Variants in CEMIP observed in about 807,000 individuals in gnomAD.
CEMIP encodes cell migration inducing hyaluronidase 1, also known as cell migration-inducing and hyaluronan-binding protein.
CEMIP carries 105 observed loss-of-function variants against 156.9 expected under a neutral mutation model. The ratio of observed to expected loss-of-function variants is 0.67; its 90% CI spans 0.57 to 0.79. The LOEUF (loss-of-function observed/expected upper bound fraction) is 0.79. CEMIP is among the 30% of genes least tolerant of loss of function. The pLI, the probability that CEMIP is intolerant of heterozygous loss-of-function variation, is 0.00. For synonymous variants in CEMIP, 676 were observed against 668.4 expected (o/e 1.01, Z -0.17); for missense variants, 1,457 against 1,769.4 (o/e 0.82, Z 3.17).
intron 1 of CEMIP, among the ~76,000 whole-genome samples, chr15:80,832,407 G>A (rs1897177241): frequency 6.8e-6 from 1 of 147,842 alleles, no homozygotes; most frequent in South Asian, 2.2e-4. Flanking sequence ...CCAATTGGTG[G>A]GACTTGCTTG....
intron 1 of CEMIP, among the ~76,000 whole-genome samples, chr15:80,786,558 G>C (rs1045177350): frequency 1.1e-4 from 5 of 46,544 alleles, no homozygotes; most frequent in East Asian, 2.2e-3. Flanking sequence ...ATGTCTTGCT[G>C]TGTGTGTGTG....
intron 1 of CEMIP, among the ~76,000 whole-genome samples, chr15:80,810,923 T>C (rs188143208): frequency 6.6e-6 from 1 of 152,242 alleles, no homozygotes; most frequent in African/African-American, 2.4e-5. Flanking sequence ...AAATTACCAT[T>C]TCCCCATCCA....
chr15:80,950,782 A>G lies in CEMIP; in HGVS notation c.*1858A>G, dbSNP rs1439681794. 6.6e-6 allele frequency: 1 copy of G among 152,646 alleles called. No homozygotes were observed. The highest frequency in any genetic ancestry group is 1.5e-5 in the Non-Finnish European group (1 of 68,078). 9.5% of individuals were successfully genotyped at this position (152,646 alleles called of 1,614,324 possible). A position where few individuals can be genotyped will look rare whatever the true frequency, so the allele number is the denominator to read the frequency against. ...GAGCTCCTGTAAGAGGGAGAACTCT[A>G]TCTGTGGTTTATAATCTTGCACGAG... On this transcript the variant is annotated 3_prime_UTR_variant, in exon 30 of 30. Coordinates refer to ENST00000394685, the MANE Select transcript of CEMIP (RefSeq NM_001293298.2).
chr15:80,832,230 G>A (rs551859740), intron 1 of CEMIP, among the ~76,000 whole-genome samples: 2 of 151,958 alleles, frequency 1.3e-5, no homozygotes, highest in South Asian at 4.2e-4. Flanking sequence ...TACAGCCATG[G>A]CTAAAAGTAA....
chr15:80,831,594 C>A (rs1465757910), intron 1 of CEMIP, among the ~76,000 whole-genome samples: 1 of 151,946 alleles, frequency 6.6e-6, no homozygotes, highest in Non-Finnish European at 1.5e-5. Flanking sequence ...GAAAGACCAG[C>A]CTCTCTGAAC....
chr15:80,898,467 A>G (rs1352085812), intron 12 of CEMIP, among the ~76,000 whole-genome samples: 2 of 152,330 alleles, frequency 1.3e-5, no homozygotes, highest in Middle Eastern at 3.4e-3. Flanking sequence ...AAAGATGGGA[A>G]AGGAGGAAGG....
chr15:80,892,141 C>T (rs1899050185), intron 10 of CEMIP, among the ~76,000 whole-genome samples: 1 of 152,024 alleles, frequency 6.6e-6, no homozygotes. Flanking sequence ...CTTGTGCCTG[C>T]CCCCAGTGCC....
At chr15:80,813,938 A>C (rs1896728251) in intron 1 of CEMIP, among the ~76,000 whole-genome samples, 1 of 151,724 alleles carries the variant, frequency 6.6e-6, no homozygotes, top group South Asian at 2.1e-4. Context: ...TCATTCACTG[A>C]AGTAGTTCTA....
At chr15:80,863,093 C>T (rs1898028024) in intron 1 of CEMIP, among the ~76,000 whole-genome samples, 1 of 152,176 alleles carries the variant, frequency 6.6e-6, no homozygotes, top group Non-Finnish European at 1.5e-5. Context: ...GTATCAGTAA[C>T]AAGACTTCCC....
chr15:80,839,475 C>T (rs931443527), intron 1 of CEMIP, among the ~76,000 whole-genome samples: 3 of 152,162 alleles, frequency 2.0e-5, no homozygotes, highest in African/African-American at 4.8e-5. Context: ...CCCTGCAAAC[C>T]GGGCCCTGCA....
At chr15:80,864,227 C>T (rs1898061546) in intron 1 of CEMIP, among the ~76,000 whole-genome samples, 1 of 152,166 alleles carries the variant, frequency 6.6e-6, no homozygotes, top group African/African-American at 2.4e-5. Flanking sequence ...TGCCTAGAGC[C>T]CAGTGAGGGA....
rs115180745 is a variant in CEMIP, at chr15:80,814,987, A to C, written c.-176+35373A>C. ...AGACATGAGCCACTGGGCCAGCCCA[A>C]CGGTTGCACTTTCAATACAGGTGGA... On this transcript the variant is annotated intron_variant, in intron 1 of 29. Coordinates refer to ENST00000394685, the MANE Select transcript of CEMIP (RefSeq NM_001293298.2). 7.7e-3 allele frequency among the ~76,000 whole-genome samples: 1,176 copies of C among 152,242 alleles called. 20 individuals carry two copies. Among genetic ancestry groups the C allele is most frequent in the African/African-American group, 0.026 (1,088 of 41,542 alleles).
intron 1 of CEMIP, among the ~76,000 whole-genome samples, chr15:80,843,294 T>A (rs1458220231): frequency 3.9e-5 from 6 of 152,246 alleles, no homozygotes; most frequent in Non-Finnish European, 7.3e-5. Context: ...CCAGAGCCCA[T>A]CTTCTTGCCC....
intron 1 of CEMIP, among the ~76,000 whole-genome samples, chr15:80,855,886 C>A (rs182044802): frequency 1.3e-5 from 2 of 152,202 alleles, no homozygotes; most frequent in Admixed American, 1.3e-4. Context: ...CATAGTAAGG[C>A]AGTTGTGTAG....
chr15:80,825,010 G>C (rs370878727), intron 1 of CEMIP, among the ~76,000 whole-genome samples: 4 of 152,190 alleles, frequency 2.6e-5, no homozygotes, highest in Admixed American at 2.0e-4. Context: ...CTGTGAGCTT[G>C]AGTAAAATAG....
intron 1 of CEMIP, among the ~76,000 whole-genome samples, chr15:80,868,162 C>T (rs115830767): frequency 0.017 from 2,512 of 152,176 alleles, 75 homozygotes; most frequent in African/African-American, 0.058. Flanking sequence ...AAACCTAGGT[C>T]ACAAAGGAAG....
rs575811985 is a variant in CEMIP, at chr15:80,856,954, C to T, written c.-175-16584C>T. Among the ~76,000 whole-genome samples the T allele has an allele frequency of 3.3e-5, 5 of 152,270 alleles. No individual in the cohort carries two copies. The East Asian group carries it at 7.7e-4, about 24-fold the overall frequency. On this transcript the variant is annotated intron_variant, in intron 1 of 29. Coordinates refer to ENST00000394685, the MANE Select transcript of CEMIP (RefSeq NM_001293298.2). ...CCCAGGGCAGTAAAACAGGCCTATGCGTTAGAACCCCACCTGCCAGTGGCT... is the reference window on the plus strand; with the variant it reads ...CCCAGGGCAGTAAAACAGGCCTATGTGTTAGAACCCCACCTGCCAGTGGCT...
At chr15:80,780,838 G>C (rs1025679650) in intron 1 of CEMIP, among the ~76,000 whole-genome samples, 1 of 152,192 alleles carries the variant, frequency 6.6e-6, no homozygotes, top group Non-Finnish European at 1.5e-5. Flanking sequence ...GGGTCTCCGG[G>C]GAAGTCGTGC....
chr15:80,941,753 C>G, intron 25 of CEMIP, 96 bp from the exon 26 acceptor site: 1 of 1,146,628 alleles, frequency 8.7e-7, no homozygotes, highest in Non-Finnish European at 1.3e-6. Context: ...GGTCTACCTG[C>G]TATGACCAGC....
Sources: gnomAD v4.1 joint callset for allele counts (sites outside exome capture counted in the v4.1 genomes callset) on GRCh38, gnomAD v4.1.1 for gene constraint, MANE v1.5 for transcripts, NCBI Gene and HGNC (gene_info 2026-07-23, HGNC 2026-07-21) for gene names.